SLCO3A1: variants seen among roughly 807,000 people sequenced by gnomAD.
SLCO3A1 encodes solute carrier organic anion transporter family member 3A1.
A neutral mutation model predicts 63.1 loss-of-function variants in SLCO3A1; 27 were observed. The observed-to-expected ratio is 0.43, with a 90% confidence interval of 0.32 to 0.59. SLCO3A1 has a LOEUF of 0.59. SLCO3A1 is among the 20% of genes least tolerant of loss of function. SLCO3A1 has a pLI of 0.09. For missense variants in SLCO3A1, 773 were observed against 945.8 expected (o/e 0.82, Z 2.40); for synonymous variants, 473 against 409.9 (o/e 1.15, Z -1.86).
chr15:91,929,706 C>G (rs574704745), intron 2 of SLCO3A1, among the ~76,000 whole-genome samples: 3 of 152,090 alleles, frequency 2.0e-5, no homozygotes, highest in East Asian at 1.9e-4. Context: ...ATTCCACCCC[C>G]TCTCCAGGCC....
intron 2 of SLCO3A1, among the ~76,000 whole-genome samples, chr15:91,969,618 T>C (rs1900785431): frequency 6.6e-6 from 1 of 152,146 alleles, no homozygotes; most frequent in Non-Finnish European, 1.5e-5. Flanking sequence ...CTTGTTACAA[T>C]TATTGTTGTC....
intron 7 of SLCO3A1, among the ~76,000 whole-genome samples, chr15:92,138,797 A>G (rs1418682248): frequency 1.1e-5 from 1 of 91,528 alleles, no homozygotes; most frequent in Admixed American, 1.2e-4. Context: ...GGTGTATAAG[A>G]ATGCTTGTGA....
At chr15:92,039,975 A>G (rs750254906) in intron 2 of SLCO3A1, among the ~76,000 whole-genome samples, 8 of 152,200 alleles carry the variant, frequency 5.3e-5, no homozygotes, top group Non-Finnish European at 7.4e-5. Context: ...CAGGAAACTA[A>G]ACACCGCATG....
intron 2 of SLCO3A1, among the ~76,000 whole-genome samples, chr15:92,060,557 TGGC>T (rs1457925282): frequency 6.6e-6 from 1 of 150,898 alleles, no homozygotes; most frequent in East Asian, 2.0e-4. Context: ...TGGAGTGCAG[TGGC>T]GCAAGCTCGG....
At chr15:91,918,422 T>C (rs1485324469) in intron 2 of SLCO3A1, among the ~76,000 whole-genome samples, 2 of 152,240 alleles carry the variant, frequency 1.3e-5, no homozygotes, top group East Asian at 3.8e-4. Context: ...CTGTTACATA[T>C]GGCCAGATTC....
intron 2 of SLCO3A1, among the ~76,000 whole-genome samples, chr15:92,070,698 G>C (rs979732257): frequency 6.7e-6 from 1 of 149,840 alleles, no homozygotes; most frequent in African/African-American, 2.5e-5. Flanking sequence ...TTCGGGATTT[G>C]CTTTAACATA....
intron 2 of SLCO3A1, among the ~76,000 whole-genome samples, chr15:92,089,204 T>C (rs2047442403): frequency 6.6e-6 from 1 of 152,026 alleles, no homozygotes; most frequent in Non-Finnish European, 1.5e-5. Flanking sequence ...TTTTTTGTAT[T>C]TTTAGTAGAG....
chr15:92,012,279 G>A (rs780464725), intron 2 of SLCO3A1, among the ~76,000 whole-genome samples: 16 of 152,140 alleles, frequency 1.1e-4, no homozygotes, highest in East Asian at 3.9e-4. Context: ...CAAACAGCTC[G>A]CCATTAGGAA....
In SLCO3A1 at chr15:91,912,213, A is replaced by G. The variant is rs1898509433; in HGVS notation, c.181-3780A>G. ...CTCAGGCTGGGTTGTTCACTGCCACATAAAGGCTACAAGTGGGTTTTATGG... is the reference window on the plus strand; with the variant it reads ...CTCAGGCTGGGTTGTTCACTGCCACGTAAAGGCTACAAGTGGGTTTTATGG... On this transcript the variant is annotated intron_variant, in intron 1 of 9. Transcript: ENST00000318445. This position sits in a 1 kb window ranked among gnomAD's most constrained non-coding sequence, Gnocchi z 5.0. 6.6e-6 allele frequency among the ~76,000 whole-genome samples: 1 copy of G among 152,200 alleles called. No homozygotes were observed.
intron 1 of SLCO3A1, among the ~76,000 whole-genome samples, chr15:91,887,008 C>T (rs1897740771): frequency 6.6e-6 from 1 of 152,120 alleles, no homozygotes; most frequent in Non-Finnish European, 1.5e-5. Flanking sequence ...TGTATATTGG[C>T]CAAGCCCATT....
At chr15:92,135,132 T>G (rs1406860817) in intron 7 of SLCO3A1, among the ~76,000 whole-genome samples, 2 of 152,144 alleles carry the variant, frequency 1.3e-5, no homozygotes, top group African/African-American at 4.8e-5. Flanking sequence ...TTGGACCTCA[T>G]GATGCAGGCA....
At chr15:91,983,578 G>T (rs1482014711) in intron 2 of SLCO3A1, among the ~76,000 whole-genome samples, 2 of 152,176 alleles carry the variant, frequency 1.3e-5, no homozygotes, top group Non-Finnish European at 2.9e-5. Context: ...TCTCCTGAGA[G>T]CTCAGCTCAC....
chr15:91,881,291 T>A lies in SLCO3A1; in HGVS notation c.180+27203T>A, dbSNP rs576648714. 2.5e-4 allele frequency among the ~76,000 whole-genome samples: 18 copies of A among 72,460 alleles called. 1 individual carries two copies. The highest frequency in any genetic ancestry group is 2.2e-3 in the Admixed American group (18 of 8,210). The allele number at this position is 72,460 out of a possible 152,430, so 47.5% of individuals were successfully genotyped here. A position where few individuals can be genotyped will look rare whatever the true frequency, so the allele number is the denominator to read the frequency against. On this transcript the variant is annotated intron_variant, in intron 1 of 9. Transcript: ENST00000318445. ...TCATTTCGAAAAGTGTTCCCCCACCTTTTTTTTTTTTAAATGCTCGGGGAT... is the reference window on the plus strand; with the variant it reads ...TCATTTCGAAAAGTGTTCCCCCACCATTTTTTTTTTTAAATGCTCGGGGAT...
intron 2 of SLCO3A1, among the ~76,000 whole-genome samples, chr15:92,057,369 C>G (rs1567094554): frequency 6.6e-6 from 1 of 152,234 alleles, no homozygotes. Flanking sequence ...TTATTACTCT[C>G]AAGGTGCTTG....
intron 1 of SLCO3A1, among the ~76,000 whole-genome samples, chr15:91,915,351 A>G (rs1482150054): frequency 1.3e-5 from 2 of 152,172 alleles, no homozygotes; most frequent in African/African-American, 4.8e-5. Context: ...GTTGGAGGGT[A>G]CTTGGCAGGG....
intron 7 of SLCO3A1, among the ~76,000 whole-genome samples, chr15:92,131,917 C>T (rs1247494160): frequency 6.9e-6 from 1 of 145,950 alleles, no homozygotes; most frequent in Admixed American, 6.8e-5. Context: ...TCTCACCTCA[C>T]CTGTTCTAAT....
At position 91,894,849 on chromosome 15, in the gene SLCO3A1, C is replaced by G. The variant is rs1897963659; in HGVS notation, c.181-21144C>G. Among the ~76,000 whole-genome samples, 7 of 152,282 alleles carry G rather than the reference C, an allele frequency of 4.6e-5. No homozygotes were observed. The South Asian group carries it at 1.5e-3, about 32-fold the overall frequency. On this transcript the variant is annotated intron_variant, in intron 1 of 9. Coordinates refer to ENST00000318445, the MANE Select transcript of SLCO3A1 (RefSeq NM_013272.4). This position sits in a 1 kb window ranked among gnomAD's most constrained non-coding sequence, Gnocchi z 4.8. The stretch of plus-strand genomic sequence containing the variant: ...CACAGAGGCACAGAACAGTGAAACC[C>G]CCGGAGGGACAGGGAGTGCGTAGAA...
rs116008743 is a variant in SLCO3A1, at chr15:92,151,509, C to T, written c.1753+495C>T. Reference sequence around the variant, plus strand: ...TGTGACCTTCATGCTATAGGGCCCACGTTTCCAGATTTGGTATGGAAAGAA... The same window carrying T: ...TGTGACCTTCATGCTATAGGGCCCATGTTTCCAGATTTGGTATGGAAAGAA... On this transcript the variant is annotated intron_variant, in intron 9 of 9. Coordinates refer to ENST00000318445, the MANE Select transcript of SLCO3A1 (RefSeq NM_013272.4). 9.3e-3 allele frequency among the ~76,000 whole-genome samples: 1,413 copies of T among 152,212 alleles called. 19 individuals carry two copies. Among genetic ancestry groups the T allele is most frequent in the African/African-American group, 0.032 (1,348 of 41,484 alleles).
At chr15:91,868,134 C>A (rs1487302994) in intron 1 of SLCO3A1, among the ~76,000 whole-genome samples, 1 of 151,838 alleles carries the variant, frequency 6.6e-6, no homozygotes, top group African/African-American at 2.4e-5. Flanking sequence ...TCGCTGCAAC[C>A]TCTGCCTCCT....
Sources: allele counts gnomAD v4.1 joint callset (sites outside exome capture counted in the v4.1 genomes callset), GRCh38; gene constraint gnomAD v4.1.1; non-coding constraint Gnocchi (gnomAD v3.1); transcripts MANE v1.5; gene names NCBI Gene and HGNC (gene_info 2026-07-23, HGNC 2026-07-21).